The following PRPSAP2 variants were observed in gnomAD, a reference collection of about 807,000 sequenced individuals.
The protein encoded by PRPSAP2 is phosphoribosyl pyrophosphate synthase-associated protein 2.
PRPSAP2 carries 24 observed loss-of-function variants against 40.6 expected under a neutral mutation model. The ratio of observed to expected loss-of-function variants is 0.59; its 90% CI spans 0.43 to 0.83. The LOEUF (loss-of-function observed/expected upper bound fraction) is 0.83, where lower values mean the gene tolerates loss of function less well. Ranked by LOEUF, PRPSAP2 falls within the 40% of genes least tolerant of loss-of-function variation. The pLI is 0.00. For missense variants in PRPSAP2, 292 were observed against 465.6 expected (o/e 0.63, Z 3.43); for synonymous variants, 149 against 164.7 (o/e 0.90, Z 0.73).
chr17:18,924,594 C>T (rs544535629), intron 10 of PRPSAP2, among the ~76,000 whole-genome samples: 48 of 151,544 alleles, frequency 3.2e-4, no homozygotes, highest in Non-Finnish European at 5.4e-4. Context: ...CATGGTGAAA[C>T]CCTGTCTCTA....
upstream of PRPSAP2, chr17:18,858,102 G>GCCCCCGCCCCGCC (rs2036719177): frequency 1.3e-5 from 2 of 151,862 alleles, no homozygotes; most frequent in South Asian, 2.1e-4. Flanking sequence ...CTCTAGTCCC[G>GCCCCCGCCCCGCC]CCCTCGCCCC....
chr17:18,885,767 A>G (rs2039095547), intron 7 of PRPSAP2, among the ~76,000 whole-genome samples: 1 of 152,034 alleles, frequency 6.6e-6, no homozygotes. Flanking sequence ...TTGTATTTTT[A>G]GTAGAGACAG....
chr17:18,874,073 T>C (rs2038096199), intron 5 of PRPSAP2, among the ~76,000 whole-genome samples: 1 of 152,058 alleles, frequency 6.6e-6, no homozygotes, highest in African/African-American at 2.4e-5. Flanking sequence ...CTCACCTCGT[T>C]TTTTCATTTT....
At chr17:18,883,205 A>AT (rs1273303508) in intron 7 of PRPSAP2, among the ~76,000 whole-genome samples, 1 of 151,720 alleles carries the variant, frequency 6.6e-6, no homozygotes. Context: ...GGAGATGATC[A>AT]TTTTTTTTCC....
chr17:18,911,141 C>G lies in PRPSAP2; in HGVS notation c.623C>G (p.Ala208Gly). ...SFAERLRLGIAVIHGEAQDAE... is the reference protein window; with the variant it reads ...SFAERLRLGIGVIHGEAQDAE... ...GCTGAGCGCCTGCGCCTGGGAATTGCAGTGATTCATGGAGAGGCGCAGGAT... is the reference window on the plus strand; with the variant it reads ...GCTGAGCGCCTGCGCCTGGGAATTGGAGTGATTCATGGAGAGGCGCAGGAT... Residue 208 changes from alanine to glycine, a missense_variant, in exon 9 of 12, where the codon GCA becomes GGA. Coordinates refer to ENST00000268835, the MANE Select transcript of PRPSAP2 (RefSeq NM_002767.4). This position sits in a 1 kb window ranked among gnomAD's most constrained non-coding sequence, Gnocchi z 4.5. 6.2e-7 allele frequency: 1 copy of G among 1,613,450 alleles called. No individual in the cohort carries two copies. The highest frequency in any genetic ancestry group is 8.5e-7 in the Non-Finnish European group (1 of 1,179,564).
rs35684867 is a variant in PRPSAP2, at chr17:18,915,025, C to CTTT, written c.733+3789_733+3791dup. 6.2e-4 allele frequency among the ~76,000 whole-genome samples: 81 copies of CTTT among 130,186 alleles called. 1 individual carries two copies. The highest frequency in any genetic ancestry group is 1.6e-3 in the African/African-American group (54 of 34,652). The allele number at this position is 130,186 out of a possible 152,430, so 85.4% of individuals were successfully genotyped here. A position where few individuals can be genotyped will look rare whatever the true frequency, so the allele number is the denominator to read the frequency against. ...ACAGACATGAACCACTGCACCCGAC[C>CTTT]TTTTTTTTTTTTTTTTTGAGACAGT... On this transcript the variant is annotated intron_variant, in intron 9 of 11. Coordinates refer to ENST00000268835, the MANE Select transcript of PRPSAP2 (RefSeq NM_002767.4).
intron 4 of PRPSAP2, among the ~76,000 whole-genome samples, chr17:18,868,676 A>G (rs1444077776): frequency 6.6e-6 from 1 of 151,946 alleles, no homozygotes; most frequent in Non-Finnish European, 1.5e-5. Context: ...TAGGTGCTCA[A>G]TATATACTTA....
chr17:18,922,610 T>G (rs918617551), intron 9 of PRPSAP2, among the ~76,000 whole-genome samples: 2 of 151,394 alleles, frequency 1.3e-5, no homozygotes, highest in Non-Finnish European at 2.9e-5. Flanking sequence ...TGTCTTTTTT[T>G]GTTGAATTAT....
chr17:18,901,389 T>C (rs1220464807), intron 8 of PRPSAP2, among the ~76,000 whole-genome samples: 2 of 151,194 alleles, frequency 1.3e-5, no homozygotes, highest in East Asian at 3.9e-4. Context: ...TGTCTTCTCA[T>C]TTTTTTTTGA....
At chr17:18,891,778 G>C (rs2039558207) in intron 8 of PRPSAP2, among the ~76,000 whole-genome samples, 1 of 152,104 alleles carries the variant, frequency 6.6e-6, no homozygotes, top group Non-Finnish European at 1.5e-5. Flanking sequence ...ACAGTATGTG[G>C]CCCTCTGTGT....
chr17:18,861,072 T>A (rs76363552), intron 1 of PRPSAP2, among the ~76,000 whole-genome samples: 1 of 152,112 alleles, frequency 6.6e-6, no homozygotes, highest in Non-Finnish European at 1.5e-5. Flanking sequence ...TCTCGATGAT[T>A]ATTATGTTTT....
chr17:18,879,319 C>T (rs528440836), intron 6 of PRPSAP2, among the ~76,000 whole-genome samples: 33 of 152,210 alleles, frequency 2.2e-4, no homozygotes, highest in African/African-American at 7.2e-4. Context: ...GAGTCTTGCT[C>T]TGTTGCCCAG....
intron 10 of PRPSAP2, 95 bp downstream of exon 10, chr17:18,924,079 G>T: frequency 7.9e-7 from 1 of 1,267,346 alleles, no homozygotes; most frequent in Non-Finnish European, 1.1e-6. Flanking sequence ...ACTCACTGTC[G>T]CCCAGGCTGG....
At chr17:18,868,292 T>A (rs867600416) in intron 4 of PRPSAP2, among the ~76,000 whole-genome samples, 4 of 152,000 alleles carry the variant, frequency 2.6e-5, no homozygotes, top group Admixed American at 6.6e-5. Flanking sequence ...CTGGCCAACA[T>A]GATGAAACCC....
chr17:18,905,998 T>G (rs1272217629), intron 8 of PRPSAP2, among the ~76,000 whole-genome samples: 1 of 152,234 alleles, frequency 6.6e-6, no homozygotes, highest in Non-Finnish European at 1.5e-5. Context: ...ATTAAAATAT[T>G]CTGTGTTTAT....
chr17:18,879,236 C>G (rs2038536238), intron 6 of PRPSAP2, among the ~76,000 whole-genome samples: 1 of 151,850 alleles, frequency 6.6e-6, no homozygotes, highest in African/African-American at 2.4e-5. Context: ...GAATAAAAGT[C>G]CCCATATCAC....
In PRPSAP2 at chr17:18,865,843, G is replaced by A. The variant is rs777499681; in HGVS notation, c.10G>A (p.Val4Met). MFC[V>M]TPPELETKMN... The stretch of plus-strand genomic sequence containing the variant: ...AACCAAGAAGGTTTTGATGTTTTGT[G>A]TGACGCCACCTGAATTAGAAACCAA... Residue 4 changes from valine (V) to methionine (M), a missense_variant, in exon 3 of 12, where the codon GTG (valine) becomes ATG (methionine). Val to Met is a conservative substitution (Grantham distance 21). Transcript: ENST00000268835. 2.0e-6 allele frequency: 3 copies of A among 1,507,598 alleles called. No homozygotes were observed. The highest frequency in any genetic ancestry group is 2.8e-5 in the African/African-American group (2 of 72,636). 93.4% of individuals were successfully genotyped at this position (1,507,598 alleles called of 1,614,324 possible).
In PRPSAP2 at chr17:18,895,142, T is replaced by C. The variant is rs140010032; in HGVS notation, c.584+5265T>C. On this transcript the variant is annotated intron_variant, in intron 8 of 11. Transcript: ENST00000268835. ...TCTGTTTACCCAGACTGGAGTGCAC[T>C]GGTGCCATCACAGCTCACTACAGCC... is the stretch of plus-strand genomic sequence containing the variant. Among the ~76,000 whole-genome samples, 850 of 151,348 alleles carry C rather than the reference T, an allele frequency of 5.6e-3. 10 individuals are homozygous for C. Among genetic ancestry groups the C allele is most frequent in the African/African-American group, 0.02 (811 of 41,260 alleles).
chr17:18,881,829 G>A (rs1028012848), intron 6 of PRPSAP2, among the ~76,000 whole-genome samples: 25 of 147,102 alleles, frequency 1.7e-4, no homozygotes, highest in African/African-American at 4.8e-4. Flanking sequence ...CACTGTGCCC[G>A]GCCATGAGAG....
Sources: allele counts gnomAD v4.1 joint callset (sites outside exome capture counted in the v4.1 genomes callset), GRCh38; gene constraint gnomAD v4.1.1; non-coding constraint Gnocchi (gnomAD v3.1); transcripts MANE v1.5; gene names NCBI Gene and HGNC (gene_info 2026-07-23, HGNC 2026-07-21).